The following ATAD2B variants were observed in gnomAD, a reference collection of about 807,000 sequenced individuals.
ATAD2B encodes ATPase family AAA domain containing 2B.
Under a neutral mutation model 167.6 loss-of-function variants are expected in ATAD2B, and 40 were observed. The ratio of observed to expected loss-of-function variants is 0.24; its 90% confidence interval spans 0.19 to 0.31. The LOEUF (loss-of-function observed/expected upper bound fraction) is 0.31. Among genes scored for constraint, ATAD2B ranks in the 10% least tolerant of loss-of-function variants. The pLI is 1.00. For synonymous variants in ATAD2B, 579 were observed against 596.5 expected (o/e 0.97, Z 0.43); for missense variants, 1,242 against 1,757.2 (o/e 0.71, Z 5.24).
the ATAD2B span, among the ~76,000 whole-genome samples, chr2:23,727,742 T>G: frequency 6.6e-6 from 1 of 152,056 alleles, no homozygotes; most frequent in Admixed American, 6.6e-5. Context: ...TAAAAAGAAA[T>G]GAGCTATCAA....
chr2:23,834,397 G>A (rs889989432), intron 13 of ATAD2B, among the ~76,000 whole-genome samples: 2 of 151,698 alleles, frequency 1.3e-5, no homozygotes, highest in African/African-American at 4.8e-5. Flanking sequence ...CCTGACCTCA[G>A]GCAATCCACC....
intron 24 of ATAD2B, among the ~76,000 whole-genome samples, chr2:23,759,307 T>A (rs1395287898): frequency 6.6e-6 from 1 of 152,180 alleles, no homozygotes; most frequent in Non-Finnish European, 1.5e-5. Context: ...GCAAAGATAT[T>A]TTTTAAAGAA....
chr2:23,686,752 T>C, the ATAD2B span, among the ~76,000 whole-genome samples: 1 of 151,906 alleles, frequency 6.6e-6, no homozygotes, highest in Admixed American at 6.6e-5. Context: ...GCCAGGTGCA[T>C]GGAACTGAAC....
intron 20 of ATAD2B, 36 bp downstream of exon 20, chr2:23,788,476 T>G (rs968003780): frequency 6.2e-7 from 1 of 1,602,264 alleles, no homozygotes; most frequent in African/African-American, 1.3e-5. Context: ...CTTAACTCCA[T>G]CCCTCCCATT....
In ATAD2B at chr2:23,878,026, A is replaced by AAAAAAAAAAAAAAG. The variant is rs1558714098; in HGVS notation, c.902-2136_902-2123dup. The stretch of plus-strand genomic sequence containing the variant: ...CCCTATCTCCAAAGAAAAAAAAAAA[A>AAAAAAAAAAAAAAG]AAAAAAAAAAAAAGCAAAATGTATA... On this transcript the variant is annotated intron_variant, in intron 7 of 27. Coordinates refer to ENST00000238789, the MANE Select transcript of ATAD2B (RefSeq NM_017552.4). Among the ~76,000 whole-genome samples, 21 of 129,312 alleles carry AAAAAAAAAAAAAAG rather than the reference A, an allele frequency of 1.6e-4. 1 individual carries two copies. The highest frequency in any genetic ancestry group is 1.1e-3 in the East Asian group (3 of 2,842). 84.8% of individuals were successfully genotyped at this position (129,312 alleles called of 152,430 possible). A position where few individuals can be genotyped will look rare whatever the true frequency, so the allele number is the denominator to read the frequency against.
intron 22 of ATAD2B, among the ~76,000 whole-genome samples, chr2:23,770,592 G>A (rs1678184615): frequency 6.6e-6 from 1 of 152,050 alleles, no homozygotes; most frequent in Non-Finnish European, 1.5e-5. Context: ...ACTGTCTATT[G>A]AAATTTAATC....
intron 19 of ATAD2B, 21 bp from the exon 20 acceptor site, chr2:23,788,668 A>G: frequency 1.3e-6 from 2 of 1,528,938 alleles, no homozygotes; most frequent in Non-Finnish European, 1.8e-6. Context: ...ACACACACAC[A>G]AAGACATTAA....
chr2:23,756,700 T>C (rs1675992859), intron 25 of ATAD2B, among the ~76,000 whole-genome samples: 5 of 152,124 alleles, frequency 3.3e-5, no homozygotes, highest in Admixed American at 3.3e-4. Flanking sequence ...CAAGGTAAAC[T>C]TGACAATGAT....
chr2:23,905,072 G>T (rs574676566), intron 1 of ATAD2B, among the ~76,000 whole-genome samples: 1 of 152,008 alleles, frequency 6.6e-6, no homozygotes, highest in Admixed American at 6.5e-5. Flanking sequence ...ACATAGAAGC[G>T]ACCTGTTAGT....
the ATAD2B span, chr2:23,706,418 A>T: frequency 6.1e-6 from 8 of 1,302,040 alleles, no homozygotes; most frequent in Middle Eastern, 1.5e-3. Context: ...GACGTTGAGA[A>T]CCTATCTCCA....
intron 1 of ATAD2B, among the ~76,000 whole-genome samples, chr2:23,925,079 T>C (rs547197059): frequency 6.6e-6 from 1 of 152,358 alleles, no homozygotes; most frequent in Non-Finnish European, 1.5e-5. Context: ...AAAAGATCTT[T>C]TCTTAAATTG....
chr2:23,817,116 A>G (rs1340921498), intron 17 of ATAD2B, among the ~76,000 whole-genome samples: 1 of 152,196 alleles, frequency 6.6e-6, no homozygotes, highest in African/African-American at 2.4e-5. Flanking sequence ...CCTTAATTCT[A>G]AAGTGTATGC....
intron 10 of ATAD2B, among the ~76,000 whole-genome samples, chr2:23,866,345 C>A (rs534030507): frequency 6.6e-6 from 1 of 152,198 alleles, no homozygotes; most frequent in South Asian, 2.1e-4. Context: ...GCGGAGGTTG[C>A]GGTAAGCTGA....
chr2:23,706,780 A>C, the ATAD2B span: 5 of 652,566 alleles, frequency 7.7e-6, no homozygotes, highest in Non-Finnish European at 1.2e-5. Context: ...CAAGGAACTC[A>C]CTGCGCTCAA....
intron 24 of ATAD2B, 117 bp downstream of exon 24, chr2:23,762,092 A>G (rs1191400090): frequency 1.9e-6 from 2 of 1,045,796 alleles, no homozygotes; most frequent in Admixed American, 6.4e-5. Context: ...CACCTCTGAA[A>G]AGAGATTAAA....
intron 13 of ATAD2B, among the ~76,000 whole-genome samples, chr2:23,854,246 A>G (rs910929905): frequency 6.6e-5 from 10 of 152,104 alleles, no homozygotes; most frequent in African/African-American, 2.4e-4. Context: ...CTCCGTCTCA[A>G]AGAAAAAAAA....
the ATAD2B span, among the ~76,000 whole-genome samples, chr2:23,727,044 A>T: frequency 6.6e-6 from 1 of 152,228 alleles, no homozygotes; most frequent in Non-Finnish European, 1.5e-5. Context: ...TTAGATTTTT[A>T]AAAAACCAAA....
At chr2:23,695,567 C>A in the ATAD2B span, 1 of 1,244,712 alleles carries the variant, frequency 8.0e-7, no homozygotes, top group Non-Finnish European at 1.1e-6. This position sits in a 1 kb window ranked among gnomAD's most constrained non-coding sequence, Gnocchi z 7.6. Context: ...TCTTTCCGTC[C>A]GGGAGGTGGC....
the ATAD2B span, among the ~76,000 whole-genome samples, chr2:23,740,907 T>C: frequency 6.6e-6 from 1 of 152,004 alleles, no homozygotes; most frequent in South Asian, 2.1e-4. Context: ...TATACACCAA[T>C]AACAGACAAA....
Sources: allele counts gnomAD v4.1 joint callset (sites outside exome capture counted in the v4.1 genomes callset), GRCh38; gene constraint gnomAD v4.1.1; non-coding constraint Gnocchi (gnomAD v3.1); transcripts MANE v1.5; gene names NCBI Gene and HGNC (gene_info 2026-07-23, HGNC 2026-07-21).